Variants in C12orf42 observed in about 807,000 individuals in gnomAD.
C12orf42 encodes the protein chromosome 12 open reading frame 42, also known as uncharacterized protein C12orf42.
C12orf42 carries 25 observed loss-of-function variants against 21.6 expected under a neutral mutation model. The ratio of observed to expected loss-of-function variants is 1.16; its 90% CI spans 0.84 to 1.62. The LOEUF (loss-of-function observed/expected upper bound fraction) is 1.62, where lower values mean the gene tolerates loss of function less well. Among genes scored for constraint, C12orf42 ranks in the 40% most tolerant of loss-of-function variants. The pLI is 0.00. For synonymous variants in C12orf42, 174 were observed against 175.0 expected, an observed-to-expected ratio of 0.99 and a Z score of 0.05; for missense variants, 483 against 459.3, an observed-to-expected ratio of 1.05 and a Z score of -0.47.
chr12:103,385,704 T>A (rs564525294), intron 3 of C12orf42, among the ~76,000 whole-genome samples: 22 of 152,236 alleles, frequency 1.4e-4, no homozygotes, highest in Non-Finnish European at 2.4e-4. Context: ...CCCAATCAGA[T>A]TTATATCTTA....
At chr12:103,420,923 T>A (rs1283199935) in intron 2 of C12orf42, among the ~76,000 whole-genome samples, 1 of 152,226 alleles carries the variant, frequency 6.6e-6, no homozygotes, top group Admixed American at 6.5e-5. Flanking sequence ...CACTATTTCT[T>A]CCCACTCAAG....
Position 103,328,476 on chromosome 12 carries a change from T to C in C12orf42, c.260-22131A>G, listed in dbSNP as rs192356723. Reference sequence around the variant, plus strand: ...AATCTATGTCAGCTATATTAAATAGTATCATATAGGAAAACAAGATTTTAT... The same window carrying C: ...AATCTATGTCAGCTATATTAAATAGCATCATATAGGAAAACAAGATTTTAT... On this transcript the variant is annotated intron_variant, in intron 4 of 5. Coordinates refer to ENST00000548883, the MANE Select transcript of C12orf42 (RefSeq NM_198521.5). Among the ~76,000 whole-genome samples the C allele has an allele frequency of 5.9e-5, 9 of 152,284 alleles. No individual in the cohort carries two copies. In the East Asian group the frequency reaches 1.2e-3, roughly 20 times the overall value.
the C12orf42 span, among the ~76,000 whole-genome samples, chr12:103,139,855 C>T: frequency 6.6e-6 from 1 of 152,080 alleles, no homozygotes; most frequent in Non-Finnish European, 1.5e-5. Flanking sequence ...CAAATATGCC[C>T]AAAATATTTT....
chr12:103,155,859 G>A, the C12orf42 span, among the ~76,000 whole-genome samples: 6 of 150,174 alleles, frequency 4.0e-5, no homozygotes, highest in African/African-American at 1.2e-4. Flanking sequence ...ATATATGAGT[G>A]TATATATACA....
intron 3 of C12orf42, chr12:103,396,550 A>G (rs1036103179): frequency 6.6e-6 from 1 of 152,242 alleles, no homozygotes; most frequent in South Asian, 2.1e-4. Context: ...AGTATATGAG[A>G]TATGGGCACT....
the C12orf42 span, among the ~76,000 whole-genome samples, chr12:103,173,339 C>G: frequency 6.6e-6 from 1 of 151,980 alleles, no homozygotes; most frequent in African/African-American, 2.4e-5. Context: ...AGCTGAACAC[C>G]CAATTCCCTA....
At chr12:103,122,414 T>C in the C12orf42 span, among the ~76,000 whole-genome samples, 3 of 142,522 alleles carry the variant, frequency 2.1e-5, no homozygotes, top group Non-Finnish European at 4.5e-5. Flanking sequence ...ATTCATTCAT[T>C]TGACAAATAT....
chr12:103,130,020 C>T, the C12orf42 span, among the ~76,000 whole-genome samples: 14 of 152,206 alleles, frequency 9.2e-5, no homozygotes, highest in East Asian at 2.3e-3. Flanking sequence ...ATCCCTCTCC[C>T]ATGGAAAAAT....
chr12:103,222,637 G>A, the C12orf42 span, among the ~76,000 whole-genome samples: 1 of 152,106 alleles, frequency 6.6e-6, no homozygotes, highest in Non-Finnish European at 1.5e-5. Context: ...TATAGGAAGT[G>A]AGACTGGGGA....
the C12orf42 span, among the ~76,000 whole-genome samples, chr12:103,122,502 G>A: frequency 1.1e-4 from 17 of 152,294 alleles, no homozygotes; most frequent in African/African-American, 3.4e-4. Context: ...AATGAAACAA[G>A]GAGGGATGAT....
the C12orf42 span, among the ~76,000 whole-genome samples, chr12:103,231,012 G>A: frequency 2.6e-5 from 4 of 151,874 alleles, no homozygotes; most frequent in Non-Finnish European, 5.9e-5. Flanking sequence ...ATAATTTCCA[G>A]TATATTTTCT....
chr12:103,056,483 CT>C, the C12orf42 span, among the ~76,000 whole-genome samples: 1 of 152,172 alleles, frequency 6.6e-6, no homozygotes. Context: ...AGGTTTATGT[CT>C]TGTGACAAAT....
In C12orf42 at chr12:103,495,967, C is replaced by T. The variant is rs1955528103; in HGVS notation, c.-87G>A. The T allele has an allele frequency of 6.6e-6, 1 of 152,342 alleles. No homozygotes were observed. Among genetic ancestry groups the T allele is most frequent in the African/African-American group, 2.4e-5 (1 of 41,466 alleles). 9.4% of individuals were successfully genotyped at this position (152,342 alleles called of 1,614,324 possible). ...CCTCCTCCGCGGGAGCTGGAGCACT[C>T]TGCTGGGTCCTGGGGACGCGGCGCA... On this transcript the variant is annotated 5_prime_UTR_variant, in exon 1 of 6. Coordinates refer to ENST00000548883, the MANE Select transcript of C12orf42 (RefSeq NM_198521.5).
intron 4 of C12orf42, among the ~76,000 whole-genome samples, chr12:103,359,810 G>A (rs753989092): frequency 6.6e-6 from 1 of 151,878 alleles, no homozygotes; most frequent in African/African-American, 2.4e-5. Flanking sequence ...ACTCACTTCT[G>A]TGTCTCCAGA....
chr12:103,506,842 T>TTAA, the C12orf42 span, among the ~76,000 whole-genome samples: 1 of 81,282 alleles, frequency 1.2e-5, no homozygotes, highest in South Asian at 5.5e-4. Flanking sequence ...ATATTATATA[T>TTAA]ATATATATTT....
the C12orf42 span, among the ~76,000 whole-genome samples, chr12:103,226,719 G>A: frequency 7.3e-4 from 111 of 152,282 alleles, no homozygotes; most frequent in African/African-American, 2.5e-3. Flanking sequence ...ACCTAGCTCA[G>A]CCTGGTGAGG....
At chr12:103,213,164 G>A in the C12orf42 span, among the ~76,000 whole-genome samples, 2 of 152,218 alleles carry the variant, frequency 1.3e-5, no homozygotes, top group Admixed American at 6.5e-5. Context: ...AGAATCCTTA[G>A]GCTTATGATG....
chr12:103,407,743 A>T (rs2048533142), intron 2 of C12orf42, among the ~76,000 whole-genome samples: 1 of 152,290 alleles, frequency 6.6e-6, no homozygotes, highest in African/African-American at 2.4e-5. Context: ...TGCTGTTCAA[A>T]GGTCAACTAC....
intron 4 of C12orf42, among the ~76,000 whole-genome samples, chr12:103,289,984 T>G (rs1418586723): frequency 6.6e-6 from 1 of 151,794 alleles, no homozygotes; most frequent in East Asian, 1.9e-4. Flanking sequence ...GAAGGAAGGG[T>G]AAGGGAAAGC....
Sources: allele counts gnomAD v4.1 joint callset (sites outside exome capture counted in the v4.1 genomes callset), GRCh38; gene constraint gnomAD v4.1.1; transcripts MANE v1.5; gene names NCBI Gene and HGNC (gene_info 2026-07-23, HGNC 2026-07-21).